NRXN3: variants seen among roughly 807,000 people sequenced by gnomAD.
NRXN3 encodes the protein neurexin III.
In NRXN3, 32 loss-of-function variants were observed where a neutral mutation model predicts 137.6. That is an observed-to-expected ratio of 0.23 (90% CI 0.18 to 0.31). NRXN3 has a LOEUF of 0.31. Among genes scored for constraint, NRXN3 ranks in the 10% least tolerant of loss-of-function variants. The pLI, the probability that NRXN3 is intolerant of heterozygous loss-of-function variation, is 1.00. For synonymous variants in NRXN3, 798 were observed against 784.5 expected, an observed-to-expected ratio of 1.02 and a Z score of -0.29; for missense variants, 1,574 against 2,062.5, an observed-to-expected ratio of 0.76 and a Z score of 4.59.
At chr14:78,181,296 G>A (rs921314097) in intron 1 of NRXN3, among the ~76,000 whole-genome samples, 7 of 152,210 alleles carry the variant, frequency 4.6e-5, no homozygotes, top group Non-Finnish European at 4.4e-5. Context: ...CTGAGGTGGG[G>A]CCCAGGAATC....
chr14:78,685,330 T>A (rs1231704214), intron 6 of NRXN3, among the ~76,000 whole-genome samples: 5 of 152,170 alleles, frequency 3.3e-5, no homozygotes, highest in Non-Finnish European at 5.9e-5. Context: ...TATGCTCCTA[T>A]CTACTCAAAA....
intron 15 of NRXN3, among the ~76,000 whole-genome samples, chr14:79,156,238 C>T (rs1044521537): frequency 4.0e-5 from 6 of 151,812 alleles, no homozygotes; most frequent in Non-Finnish European, 8.8e-5. Flanking sequence ...AAAAATAAGT[C>T]TTAGAGCAAT....
chr14:78,803,667 A>G lies in NRXN3; in HGVS notation c.2092A>G (p.Met698Val), dbSNP rs759706067. 88 of 1,614,034 alleles carry G rather than the reference A, an allele frequency of 5.5e-5. No individual in the cohort carries two copies. The highest frequency in any genetic ancestry group is 7.0e-5 in the Non-Finnish European group (83 of 1,180,030). The change falls in exon 9 of 21, where the codon ATG becomes GTG. Residue 698 changes from methionine to valine, a missense_variant. Around this residue, in one of 5 missense-constraint regions of NRXN3, gnomAD observed 718 missense variants for 887.6 expected, o/e 0.81. Coordinates refer to ENST00000335750, the MANE Select transcript of NRXN3 (RefSeq NM_001330195.2). ...TGGTAGCATGTACATGAAGATCATC[A>G]TGCCCATGGTCATGCATACTGAGGC... ...YDGSMYMKII[M>V]PMVMHTEAED...
At chr14:79,162,476 C>A (rs542865427) in intron 15 of NRXN3, among the ~76,000 whole-genome samples, 2 of 151,874 alleles carry the variant, frequency 1.3e-5, no homozygotes, top group African/African-American at 4.8e-5. Context: ...GTGAACTCAT[C>A]ATTTTTTATG....
At chr14:79,537,262 T>C (rs1343876242) in intron 16 of NRXN3, among the ~76,000 whole-genome samples, 1 of 152,148 alleles carries the variant, frequency 6.6e-6, no homozygotes, top group Non-Finnish European at 1.5e-5. Context: ...ATGTTTTCTT[T>C]TGAGAAGTGT....
chr14:79,149,532 T>G (rs560200671), intron 15 of NRXN3, among the ~76,000 whole-genome samples: 20 of 152,224 alleles, frequency 1.3e-4, no homozygotes, highest in Admixed American at 3.9e-4. Context: ...ATATAAATCA[T>G]TCTGTTATAA....
intron 4 of NRXN3, among the ~76,000 whole-genome samples, chr14:78,320,273 T>C (rs2079171372): frequency 1.3e-5 from 2 of 152,194 alleles, no homozygotes; most frequent in African/African-American, 4.8e-5. Flanking sequence ...GTTGTTATTT[T>C]AGTTACAAAT....
chr14:78,445,725 G>A (rs79393825), intron 4 of NRXN3, among the ~76,000 whole-genome samples: 4,358 of 152,212 alleles, frequency 0.029, 198 homozygotes, highest in African/African-American at 0.092. Context: ...AAAAATGAAT[G>A]CATCCAAATG....
chr14:79,208,730 CA>C (rs1316160603), intron 15 of NRXN3, among the ~76,000 whole-genome samples: 1 of 151,948 alleles, frequency 6.6e-6, no homozygotes, highest in Admixed American at 6.6e-5. Context: ...TCTATTATGA[CA>C]AAAAATGTTT....
chr14:79,126,073 T>G (rs911299015), intron 15 of NRXN3, among the ~76,000 whole-genome samples: 2 of 152,126 alleles, frequency 1.3e-5, no homozygotes, highest in South Asian at 4.1e-4. Flanking sequence ...GAGGCCTCTG[T>G]GGTTAGGGTG....
intron 8 of NRXN3, among the ~76,000 whole-genome samples, chr14:78,757,727 T>C (rs2098675528): frequency 6.6e-6 from 1 of 152,160 alleles, no homozygotes; most frequent in Admixed American, 6.5e-5. Context: ...GAATAAAAAA[T>C]GTGAATAAAT....
At chr14:79,725,577 C>G (rs1451276182) in intron 19 of NRXN3, among the ~76,000 whole-genome samples, 1 of 152,138 alleles carries the variant, frequency 6.6e-6, no homozygotes, top group Non-Finnish European at 1.5e-5. Flanking sequence ...AGGTTATGTT[C>G]CGCTCTAACC....
chr14:79,823,169 TCTC>T (rs1242807438), intron 20 of NRXN3, among the ~76,000 whole-genome samples: 1 of 152,022 alleles, frequency 6.6e-6, no homozygotes, highest in East Asian at 1.9e-4. Flanking sequence ...CCTCATCCCC[TCTC>T]CTCTTTTTTG....
chr14:78,915,494 G>T (rs2099252974), intron 10 of NRXN3, among the ~76,000 whole-genome samples: 1 of 151,904 alleles, frequency 6.6e-6, no homozygotes, highest in African/African-American at 2.4e-5. Flanking sequence ...TGTCAATGAG[G>T]TTATGAGAAA....
At chr14:79,223,570 C>T (rs1756072500) in intron 15 of NRXN3, among the ~76,000 whole-genome samples, 2 of 152,026 alleles carry the variant, frequency 1.3e-5, no homozygotes, top group Admixed American at 1.3e-4. Context: ...TTTTAAATCA[C>T]ATTTCTTATA....
intron 16 of NRXN3, among the ~76,000 whole-genome samples, chr14:79,642,055 C>T (rs1472295221): frequency 1.5e-5 from 2 of 135,142 alleles, no homozygotes; most frequent in African/African-American, 2.5e-5. Flanking sequence ...AAGTATTTTC[C>T]GAAGTTTTGC....
intron 4 of NRXN3, among the ~76,000 whole-genome samples, chr14:78,605,581 A>G (rs2097243499): frequency 6.6e-6 from 1 of 152,186 alleles, no homozygotes; most frequent in Admixed American, 6.5e-5. Context: ...GAACTTTATT[A>G]CACATGATCA....
intron 15 of NRXN3, among the ~76,000 whole-genome samples, chr14:79,299,893 A>G (rs2084842160): frequency 6.6e-6 from 1 of 152,090 alleles, no homozygotes; most frequent in Non-Finnish European, 1.5e-5. Flanking sequence ...CAAGCTATAT[A>G]TTGCGGGATA....
chr14:79,769,962 A>T (rs375073054), intron 19 of NRXN3, among the ~76,000 whole-genome samples: 4 of 152,096 alleles, frequency 2.6e-5, no homozygotes, highest in African/African-American at 4.8e-5. Flanking sequence ...AAAAAAGGCA[A>T]GGGTTGCAAT....
Sources: gnomAD v4.1 joint callset for allele counts (sites outside exome capture counted in the v4.1 genomes callset) on GRCh38, gnomAD v4.1.1 for gene constraint, gnomAD v4.1.1 regional missense constraint, MANE v1.5 for transcripts, NCBI Gene and HGNC (gene_info 2026-07-23, HGNC 2026-07-21) for gene names.